UPK3A: variants seen among roughly 807,000 people sequenced by gnomAD.
The protein encoded by UPK3A is uroplakin-3a.
Under a neutral mutation model 27.6 loss-of-function variants are expected in UPK3A, and 32 were observed. The observed-to-expected ratio is 1.16, with a 90% confidence interval of 0.87 to 1.55. The LOEUF (loss-of-function observed/expected upper bound fraction) is 1.55, where lower values mean the gene tolerates loss of function less well. Among genes scored for constraint, UPK3A ranks in the 40% most tolerant of loss-of-function variants. The probability of loss-of-function intolerance (pLI) is 0.00; values close to 1 mark genes in which losing one functional copy is unlikely to be tolerated. For synonymous variants in UPK3A, 171 were observed against 163.9 expected, an observed-to-expected ratio of 1.04 and a Z score of -0.33; for missense variants, 370 against 367.9, an observed-to-expected ratio of 1.01 and a Z score of -0.05.
At chr22:45,288,422 T>C (rs1569104559) in intron 3 of UPK3A, among the ~76,000 whole-genome samples, 1 of 152,074 alleles carries the variant, frequency 6.6e-6, no homozygotes, top group Non-Finnish European at 1.5e-5. Context: ...ATGGTCTCGA[T>C]CTCCTGACCT....
chr22:45,290,247 C>T (rs1049470314), intron 4 of UPK3A, among the ~76,000 whole-genome samples: 2 of 152,114 alleles, frequency 1.3e-5, no homozygotes, highest in Non-Finnish European at 2.9e-5. Flanking sequence ...AAATGATATC[C>T]TAACTTAAGA....
rs913536777 is a variant in UPK3A, at chr22:45,287,220, G to C, written c.257G>C (p.Gly86Ala). The change falls in exon 3 of 6, where the codon GGC becomes GCC. Residue 86 changes from glycine (G) to alanine (A), a missense_variant. Gly to Ala is a moderately conservative substitution (Grantham distance 60, BLOSUM62 0). Coordinates refer to ENST00000216211, the MANE Select transcript of UPK3A (RefSeq NM_006953.4). ...SVQDSTNTPL[G>A]STFLQTEGGR... ...CAAGACAGCACCAACACCCCACTGG[G>C]CTCAACGTTCCTACAAACAGAGGGT... The C allele has an allele frequency of 6.2e-7, 1 of 1,614,086 alleles. No individual in the cohort carries two copies. The highest frequency in any genetic ancestry group is 1.3e-5 in the African/African-American group (1 of 74,924).
chr22:45,285,619 G>C (rs2084111940), intron 1 of UPK3A, among the ~76,000 whole-genome samples: 1 of 150,230 alleles, frequency 6.7e-6, no homozygotes, highest in Non-Finnish European at 1.5e-5. Flanking sequence ...AGTCAGACTT[G>C]CATGTGGGGG....
chr22:45,289,681 G>A (rs2084146522), intron 4 of UPK3A, among the ~76,000 whole-genome samples: 1 of 151,800 alleles, frequency 6.6e-6, no homozygotes, highest in South Asian at 2.1e-4. Flanking sequence ...TTGAACTGGG[G>A]AGTCAGAGGT....
At chr22:45,291,230 A>T (rs2084158205) in intron 4 of UPK3A, among the ~76,000 whole-genome samples, 1 of 148,680 alleles carries the variant, frequency 6.7e-6, no homozygotes, top group East Asian at 2.0e-4. Flanking sequence ...GGTTAGTGTG[A>T]GAGTATGTGT....
At chr22:45,287,124 G>C (rs368096731) in intron 2 of UPK3A, 48 bp from the exon 3 acceptor site, 1 of 1,611,764 alleles carries the variant, frequency 6.2e-7, no homozygotes, top group Admixed American at 1.7e-5. Context: ...AGTGAGTGTC[G>C]CTGAGCCGGA....
rs750417347 is a variant in UPK3A, at chr22:45,287,274, C to T, written c.311C>T (p.Ala104Val). The T allele has an allele frequency of 1.9e-6, 3 of 1,614,070 alleles. No individual in the cohort carries two copies. Among genetic ancestry groups the T allele is most frequent in the Non-Finnish European group, 2.5e-6 (3 of 1,180,046 alleles). Residue 104 changes from alanine (A) to valine (V), a missense_variant, in exon 3 of 6, where the codon GCC (alanine) becomes GTC (valine). Coordinates refer to ENST00000216211, the MANE Select transcript of UPK3A (RefSeq NM_006953.4). ...AGGACAGGTCCCTACAAAGCTGTGGCCTTTGACCTGATCCCCTGCAGTGAC... is the reference window on the plus strand; with the variant it reads ...AGGACAGGTCCCTACAAAGCTGTGGTCTTTGACCTGATCCCCTGCAGTGAC... ...GGRTGPYKAV[A>V]FDLIPCSDLP...
At chr22:45,295,215 C>A (rs1437866788) in intron 5 of UPK3A, among the ~76,000 whole-genome samples, 2 of 152,044 alleles carry the variant, frequency 1.3e-5, no homozygotes, top group Non-Finnish European at 2.9e-5. Context: ...CTCCAGGAAG[C>A]CTTCCTGCAG....
intron 4 of UPK3A, 105 bp downstream of exon 4, chr22:45,289,248 C>T (rs963636986): frequency 2.2e-5 from 26 of 1,156,296 alleles, no homozygotes; most frequent in Admixed American, 1.8e-5. Flanking sequence ...GAAAGCCTCC[C>T]AGGCCAGGCA....
intron 4 of UPK3A, among the ~76,000 whole-genome samples, chr22:45,291,360 TGA>T (rs2084159394): frequency 6.7e-6 from 1 of 148,336 alleles, no homozygotes; most frequent in Admixed American, 6.8e-5. Context: ...CTGGTGTGTG[TGA>T]GAGTGGTGTG....
chr22:45,295,144 A>C (rs149860261), intron 5 of UPK3A, among the ~76,000 whole-genome samples: 1,947 of 152,170 alleles, frequency 0.013, 25 homozygotes, highest in Middle Eastern at 0.037. Context: ...CTGGGATTAC[A>C]GATGTGAGCC....
chr22:45,294,919 G>A (rs1019474170), intron 5 of UPK3A, among the ~76,000 whole-genome samples: 1 of 123,140 alleles, frequency 8.1e-6, no homozygotes, highest in African/African-American at 3.1e-5. Context: ...TTTTGCTCTT[G>A]TTGCCCAGCC....
intron 4 of UPK3A, among the ~76,000 whole-genome samples, chr22:45,292,001 C>T (rs1396865641): frequency 2.6e-5 from 4 of 151,824 alleles, no homozygotes; most frequent in African/African-American, 9.7e-5. Flanking sequence ...TGGGGTGGCT[C>T]CTCCCATCCT....
chr22:45,285,791 AG>A (rs748002118), intron 1 of UPK3A, 149 bp from the exon 2 acceptor site: 9 of 1,086,644 alleles, frequency 8.3e-6, no homozygotes, highest in African/African-American at 6.2e-5. Flanking sequence ...ATGACTGGGC[AG>A]GGGGCAGTGT....
At chr22:45,294,300 T>C (rs559945712) in intron 5 of UPK3A, among the ~76,000 whole-genome samples, 1 of 152,042 alleles carries the variant, frequency 6.6e-6, no homozygotes, top group East Asian at 1.9e-4. Context: ...CAGGAAAAGA[T>C]AGGTGGGGCG....
chr22:45,285,134 C>G (rs898123588), intron 1 of UPK3A, 69 bp downstream of exon 1: 7 of 1,401,456 alleles, frequency 5.0e-6, no homozygotes, highest in Non-Finnish European at 6.7e-6. Context: ...GGGCGCCCGC[C>G]GCCTGGACCC....
At chr22:45,289,384 GCTCACACGGTGAAACCCCGT>G (rs2084143216) in intron 4 of UPK3A, among the ~76,000 whole-genome samples, 1 of 151,928 alleles carries the variant, frequency 6.6e-6, no homozygotes, top group Admixed American at 6.6e-5. Flanking sequence ...GACCATCCTG[GCTCACACGGTGAAACCCCGT>G]CTCTCCTAAA....
At chr22:45,289,205 C>A in intron 4 of UPK3A, 62 bp downstream of exon 4, 1 of 1,553,944 alleles carries the variant, frequency 6.4e-7, no homozygotes, top group East Asian at 2.2e-5. Context: ...GGGCCAGCCA[C>A]GGCGGTGAGA....
intron 1 of UPK3A, among the ~76,000 whole-genome samples, chr22:45,285,305 G>C (rs1029678447): frequency 6.6e-6 from 1 of 152,256 alleles, no homozygotes; most frequent in African/African-American, 2.4e-5. Flanking sequence ...CGGTAGGACA[G>C]AGAAGGGACT....
Sources: allele counts gnomAD v4.1 joint callset (sites outside exome capture counted in the v4.1 genomes callset), GRCh38; gene constraint gnomAD v4.1.1; transcripts MANE v1.5; gene names NCBI Gene and HGNC (gene_info 2026-07-23, HGNC 2026-07-21).